PACSIN2: variants seen among roughly 807,000 people sequenced by gnomAD.
PACSIN2 encodes the protein protein kinase C and casein kinase substrate in neurons 2.
A neutral mutation model predicts 63.8 loss-of-function variants in PACSIN2; 25 were observed. That is an observed-to-expected ratio of 0.39 (90% CI 0.29 to 0.55). PACSIN2 has a LOEUF of 0.55. PACSIN2 is among the 20% of genes least tolerant of loss of function. PACSIN2 has a pLI of 0.62. For synonymous variants in PACSIN2, 255 were observed against 256.2 expected, an observed-to-expected ratio of 1.00 and a Z score of 0.05; for missense variants, 518 against 646.9, an observed-to-expected ratio of 0.80 and a Z score of 2.16.
chr22:42,885,805 G>C (rs1245277823), intron 5 of PACSIN2, among the ~76,000 whole-genome samples: 1 of 152,130 alleles, frequency 6.6e-6, no homozygotes, highest in Non-Finnish European at 1.5e-5. Context: ...TCCTAAGATG[G>C]CTGGGCTTGG....
chr22:42,985,017 T>C (rs1922506966), intron 1 of PACSIN2, among the ~76,000 whole-genome samples: 1 of 152,186 alleles, frequency 6.6e-6, no homozygotes, highest in Non-Finnish European at 1.5e-5. Context: ...GGCTGCTTTC[T>C]ATAAAAAATG....
At chr22:42,934,416 C>T (rs957532689) in intron 1 of PACSIN2, among the ~76,000 whole-genome samples, 1 of 152,220 alleles carries the variant, frequency 6.6e-6, no homozygotes, top group African/African-American at 2.4e-5. Flanking sequence ...CTCCTTTGGG[C>T]CCTGCCTCAG....
At chr22:42,974,279 G>A (rs1349398970) in intron 1 of PACSIN2, among the ~76,000 whole-genome samples, 1 of 152,160 alleles carries the variant, frequency 6.6e-6, no homozygotes, top group Non-Finnish European at 1.5e-5. Context: ...GTCTACCCAA[G>A]GCCCTTTCCC....
At chr22:42,979,605 CAAAG>C (rs1921940394) in intron 1 of PACSIN2, among the ~76,000 whole-genome samples, 2 of 140,584 alleles carry the variant, frequency 1.4e-5, no homozygotes, top group Admixed American at 6.9e-5. Context: ...AGTCAAAAAA[CAAAG>C]AAAGAAGTAA....
chr22:42,896,966 T>G (rs1279773074), intron 2 of PACSIN2, among the ~76,000 whole-genome samples: 1 of 152,224 alleles, frequency 6.6e-6, no homozygotes, highest in African/African-American at 2.4e-5. Context: ...AGACAGGGTC[T>G]TGCTTTGTTG....
intron 1 of PACSIN2, among the ~76,000 whole-genome samples, chr22:42,997,273 A>G (rs1666914920): frequency 6.6e-6 from 1 of 152,178 alleles, no homozygotes; most frequent in African/African-American, 2.4e-5. Context: ...ATAAATGGGG[A>G]TTTGGCCAGG....
intron 2 of PACSIN2, among the ~76,000 whole-genome samples, chr22:42,894,993 ACT>A (rs1284682992): frequency 4.6e-5 from 7 of 152,040 alleles, no homozygotes; most frequent in Admixed American, 2.6e-4. Context: ...GGCTGAGATG[ACT>A]CCACTCCTGT....
At chr22:42,976,856 G>A (rs1921738872) in intron 1 of PACSIN2, among the ~76,000 whole-genome samples, 1 of 152,136 alleles carries the variant, frequency 6.6e-6, no homozygotes, top group Admixed American at 6.6e-5. Flanking sequence ...AACTAATTTG[G>A]CTAACGTCAG....
intron 1 of PACSIN2, among the ~76,000 whole-genome samples, chr22:43,010,674 G>T (rs9623737): frequency 0.61 from 92,748 of 151,372 alleles, 29,052 homozygotes; most frequent in East Asian, 0.8. Flanking sequence ...CACACCACAG[G>T]GCACTTCCAG....
intron 1 of PACSIN2, among the ~76,000 whole-genome samples, chr22:42,913,505 G>C (rs1301518746): frequency 1.6e-5 from 2 of 126,844 alleles, no homozygotes; most frequent in Non-Finnish European, 3.4e-5. Flanking sequence ...AAAAAAAAAA[G>C]AGAGACACTA....
chr22:42,884,912 G>A (rs1929363028), intron 5 of PACSIN2, among the ~76,000 whole-genome samples: 1 of 152,242 alleles, frequency 6.6e-6, no homozygotes, highest in Non-Finnish European at 1.5e-5. Flanking sequence ...CCTCAGATCT[G>A]GCCCACAGCA....
intron 1 of PACSIN2, among the ~76,000 whole-genome samples, chr22:42,979,252 G>A (rs768278316): frequency 7.2e-5 from 11 of 152,046 alleles, no homozygotes; most frequent in Admixed American, 3.3e-4. Context: ...GGCCAGGTGC[G>A]GTGGCTCATG....
At chr22:42,983,309 T>C (rs1223301028) in intron 1 of PACSIN2, among the ~76,000 whole-genome samples, 1 of 125,260 alleles carries the variant, frequency 8.0e-6, no homozygotes, top group Non-Finnish European at 1.6e-5. Context: ...AGAGCGAGAC[T>C]CCATCTCAAA....
At chr22:42,983,265 C>T (rs1014800969) in intron 1 of PACSIN2, among the ~76,000 whole-genome samples, 2 of 148,254 alleles carry the variant, frequency 1.3e-5, no homozygotes, top group Non-Finnish European at 1.5e-5. Flanking sequence ...TGCAGTGAGT[C>T]GACAATGTGC....
chr22:42,996,614 C>A (rs1335376216), intron 1 of PACSIN2, among the ~76,000 whole-genome samples: 2 of 151,888 alleles, frequency 1.3e-5, no homozygotes, highest in Non-Finnish European at 2.9e-5. Context: ...GATCATTAAG[C>A]CCTGGAGTTG....
chr22:42,968,789 G>C (rs4822238), intron 1 of PACSIN2, among the ~76,000 whole-genome samples: 91,706 of 152,104 alleles, frequency 0.6, 28,198 homozygotes, highest in East Asian at 0.78. Context: ...CTCCTGCCTT[G>C]GGCCACGGAA....
chr22:42,930,112 G>C (rs1193157109), intron 1 of PACSIN2, among the ~76,000 whole-genome samples: 1 of 152,198 alleles, frequency 6.6e-6, no homozygotes, highest in African/African-American at 2.4e-5. Context: ...CGCGAACCAT[G>C]AGGTGACTTG....
At chr22:42,975,737 T>A (rs995340617) in intron 1 of PACSIN2, among the ~76,000 whole-genome samples, 10 of 151,770 alleles carry the variant, frequency 6.6e-5, no homozygotes, top group African/African-American at 9.7e-5. Context: ...ACTAGGAGTT[T>A]CCCTGTGGTG....
At chr22:43,000,651 T>C (rs1923710571) in intron 1 of PACSIN2, among the ~76,000 whole-genome samples, 2 of 152,132 alleles carry the variant, frequency 1.3e-5, no homozygotes, top group Admixed American at 6.5e-5. Flanking sequence ...GTCTGAGCTA[T>C]AAGGGGAGGT....
Sources: allele counts gnomAD v4.1 joint callset (sites outside exome capture counted in the v4.1 genomes callset), GRCh38; gene constraint gnomAD v4.1.1; transcripts MANE v1.5; gene names NCBI Gene and HGNC (gene_info 2026-07-23, HGNC 2026-07-21).